SNX29: variants seen among roughly 807,000 people sequenced by gnomAD.
SNX29 encodes the protein sorting nexin 29, also known as sorting nexin-29.
SNX29 carries 78 observed loss-of-function variants against 102.1 expected under a neutral mutation model. That is an observed-to-expected ratio of 0.76 (90% CI 0.64 to 0.92). SNX29 has a LOEUF of 0.92. Ranked by LOEUF, SNX29 falls within the 40% of genes least tolerant of loss-of-function variation. The probability of loss-of-function intolerance (pLI) is 0.00; values close to 1 mark genes in which losing one functional copy is unlikely to be tolerated. For missense variants in SNX29, 1,280 were observed against 1,061.7 expected (o/e 1.21, Z -2.86); for synonymous variants, 580 against 414.5 (o/e 1.40, Z -4.85).
rs62028254 is a variant in SNX29, at chr16:12,560,670, G to C, written c.2319-7836G>C. The C allele has an allele frequency of 1.9e-5, 3 of 156,620 alleles. No homozygotes were observed. The South Asian group carries it at 6.2e-4, about 32-fold the overall frequency. The allele number at this position is 156,620 out of a possible 1,614,324, so 9.7% of individuals were successfully genotyped here. A position where few individuals can be genotyped will look rare whatever the true frequency, so the allele number is the denominator to read the frequency against. ...ACCTAACTAGCATCTTGGGGGCTGG[G>C]CTTGGATGCATTTATATCTAGTCAT... On this transcript the variant is annotated intron_variant, in intron 20 of 20. Transcript: ENST00000566228.
intron 11 of SNX29, among the ~76,000 whole-genome samples, chr16:12,117,946 A>G (rs2053803941): frequency 6.6e-6 from 1 of 151,860 alleles, no homozygotes; most frequent in Non-Finnish European, 1.5e-5. Context: ...ATACAAAAAA[A>G]CTTAGCCGGG....
intron 16 of SNX29, among the ~76,000 whole-genome samples, chr16:12,369,483 C>G (rs948746330): frequency 1.3e-5 from 2 of 152,180 alleles, no homozygotes; most frequent in African/African-American, 2.4e-5. Flanking sequence ...AAAGGGGTTC[C>G]TGTGCCTGGG....
chr16:12,510,210 TC>T (rs1456305545), intron 19 of SNX29, among the ~76,000 whole-genome samples: 3 of 152,216 alleles, frequency 2.0e-5, no homozygotes, highest in Non-Finnish European at 2.9e-5. Context: ...GGTCATGTAT[TC>T]TACTGTGTTT....
At position 12,483,114 on chromosome 16, in the gene SNX29, G is replaced by GTTTTTGTTTTTTTTTTTTT. The variant is rs71139598; in HGVS notation, c.2178+5260_2178+5261insGTTTTTTTTTTTTTTTTTT. ...AATAGATACATATTGAAGTTATTAA[G>GTTTTTGTTTTTTTTTTTTT]TTTTTTTTTTTTTTTTTTTTTTTTT... On this transcript the variant is annotated intron_variant, in intron 19 of 20. Transcript: ENST00000566228. Among the ~76,000 whole-genome samples, 13 of 66,214 alleles carry GTTTTTGTTTTTTTTTTTTT rather than the reference G, an allele frequency of 2.0e-4. 2 individuals carry two copies. The highest frequency in any genetic ancestry group is 1.2e-3 in the Admixed American group (6 of 4,860). 43.4% of individuals were successfully genotyped at this position (66,214 alleles called of 152,430 possible).
chr16:12,159,361 G>A (rs1008304492), intron 13 of SNX29, among the ~76,000 whole-genome samples: 4 of 152,232 alleles, frequency 2.6e-5, no homozygotes, highest in Non-Finnish European at 5.9e-5. Flanking sequence ...CCAGTAACTA[G>A]CAATCCCAGT....
At chr16:12,211,759 G>A (rs1030165345) in intron 14 of SNX29, among the ~76,000 whole-genome samples, 15 of 152,092 alleles carry the variant, frequency 9.9e-5, no homozygotes, top group Non-Finnish European at 1.9e-4. Flanking sequence ...TGAAACCTCC[G>A]TTTTTTGTTT....
chr16:12,089,406 A>T (rs2052392343), intron 11 of SNX29, among the ~76,000 whole-genome samples: 1 of 152,198 alleles, frequency 6.6e-6, no homozygotes, highest in South Asian at 2.1e-4. Context: ...CCATAGTATA[A>T]TATGATCGCC....
At chr16:12,347,029 A>C (rs956565105) in intron 15 of SNX29, among the ~76,000 whole-genome samples, 2 of 152,124 alleles carry the variant, frequency 1.3e-5, no homozygotes, top group Non-Finnish European at 2.9e-5. Flanking sequence ...GTTTTTAGTG[A>C]TGGGTGTTGT....
At chr16:12,427,978 C>T (rs2085152879) in intron 18 of SNX29, among the ~76,000 whole-genome samples, 1 of 152,224 alleles carries the variant, frequency 6.6e-6, no homozygotes, top group Admixed American at 6.5e-5. Context: ...CCAAATGTGC[C>T]TTTTGCCTTT....
Position 12,569,029 on chromosome 16 carries a change from ACT to A in SNX29, c.*403_*404del, listed in dbSNP as rs944321073. The stretch of plus-strand genomic sequence containing the variant: ...AGGTTCATGCAGAGCCAGCCTCTCC[ACT>A]CTTTCCCACGTGGGGACTAGAATGA... On this transcript the variant is annotated 3_prime_UTR_variant, in exon 21 of 21. Transcript: ENST00000566228. 5.1e-5 allele frequency: 12 copies of A among 236,664 alleles called. No individual in the cohort carries two copies. The highest frequency in any genetic ancestry group is 2.5e-4 in the African/African-American group (11 of 44,284). The allele number at this position is 236,664 out of a possible 1,614,324, so 14.7% of individuals were successfully genotyped here.
intron 11 of SNX29, among the ~76,000 whole-genome samples, chr16:12,120,645 C>T (rs987465303): frequency 3.3e-5 from 5 of 152,138 alleles, no homozygotes; most frequent in African/African-American, 1.2e-4. Context: ...TGTGAATGGG[C>T]CTGTGCGTCA....
intron 15 of SNX29, among the ~76,000 whole-genome samples, chr16:12,328,006 A>G (rs1318110447): frequency 1.3e-5 from 2 of 152,162 alleles, no homozygotes; most frequent in African/African-American, 4.8e-5. Flanking sequence ...TGGCATGAGC[A>G]GTGTCACAAA....
intron 11 of SNX29, among the ~76,000 whole-genome samples, chr16:12,089,306 G>C (rs1282661621): frequency 3.3e-5 from 5 of 151,872 alleles, no homozygotes; most frequent in African/African-American, 4.8e-5. Flanking sequence ...ACTCCAGCCT[G>C]GGTGACAGAG....
In SNX29 at chr16:12,517,054, G is replaced by A. The variant is rs963092522; in HGVS notation, c.2179-7648G>A. On this transcript the variant is annotated intron_variant, in intron 19 of 20. Coordinates refer to ENST00000566228, the MANE Select transcript of SNX29 (RefSeq NM_032167.5). ...CTCGAGTGTTCTTTTTGAAAGCGAG[G>A]CCCAACTCCCAGTGCCGTCTATGAA... Among the ~76,000 whole-genome samples the A allele has an allele frequency of 3.3e-5, 5 of 152,246 alleles. No homozygotes were observed. The East Asian group carries it at 9.6e-4, about 29-fold the overall frequency.
chr16:12,207,539 C>T (rs572744452), intron 14 of SNX29, among the ~76,000 whole-genome samples: 41 of 152,260 alleles, frequency 2.7e-4, no homozygotes, highest in African/African-American at 7.7e-4. Flanking sequence ...CCTGTTCCAC[C>T]GCAGTGTCTC....
intron 18 of SNX29, among the ~76,000 whole-genome samples, chr16:12,451,495 A>G (rs1477047372): frequency 6.6e-6 from 1 of 152,210 alleles, no homozygotes; most frequent in East Asian, 1.9e-4. Flanking sequence ...CTATTTACCA[A>G]CCAAAGAGAT....
chr16:12,570,473 C>T lies in SNX29; in HGVS notation c.*1844C>T, dbSNP rs978874432. The T allele has an allele frequency of 1.3e-5, 3 of 234,226 alleles. No individual in the cohort carries two copies. Among genetic ancestry groups the T allele is most frequent in the African/African-American group, 6.6e-5 (3 of 45,334 alleles). The allele number at this position is 234,226 out of a possible 1,614,324, so 14.5% of individuals were successfully genotyped here. A position where few individuals can be genotyped will look rare whatever the true frequency, so the allele number is the denominator to read the frequency against. ...CTGAGGCAGGAAACGTCTAAAAGCT[C>T]AATCTGCTGTATGTCATGACCCCTT... On this transcript the variant is annotated 3_prime_UTR_variant, in exon 21 of 21. Coordinates refer to ENST00000566228, the MANE Select transcript of SNX29 (RefSeq NM_032167.5).
Position 12,408,870 on chromosome 16 carries a change from C to G in SNX29, c.2037+5341C>G, listed in dbSNP as rs564906219. On this transcript the variant is annotated intron_variant, in intron 18 of 20. Transcript: ENST00000566228. ...CAAAGAAATTAAGGTAATTCCCCTG[C>G]TATGTGCAGTCACAGAGCCCCCACT... 7.9e-5 allele frequency among the ~76,000 whole-genome samples: 12 copies of G among 152,298 alleles called. No individual in the cohort carries two copies. In the South Asian group the frequency reaches 2.5e-3, roughly 32 times the overall value.
At chr16:12,458,456 T>C (rs1253952127) in intron 18 of SNX29, among the ~76,000 whole-genome samples, 1 of 152,156 alleles carries the variant, frequency 6.6e-6, no homozygotes, top group African/African-American at 2.4e-5. Context: ...TGTGGCTGCC[T>C]GAGAAGTTGC....
Sources: allele counts gnomAD v4.1 joint callset (sites outside exome capture counted in the v4.1 genomes callset), GRCh38; gene constraint gnomAD v4.1.1; transcripts MANE v1.5; gene names NCBI Gene and HGNC (gene_info 2026-07-23, HGNC 2026-07-21).